The following NEDD4L variants were observed in gnomAD, a reference collection of about 807,000 sequenced individuals.
The protein encoded by NEDD4L is E3 ubiquitin-protein ligase NEDD4-like.
A neutral mutation model predicts 148.9 loss-of-function variants in NEDD4L; 54 were observed. The ratio of observed to expected loss-of-function variants is 0.36; its 90% confidence interval spans 0.29 to 0.45. The LOEUF (loss-of-function observed/expected upper bound fraction) is 0.45. Among genes scored for constraint, NEDD4L ranks in the 20% least tolerant of loss-of-function variants. The probability of loss-of-function intolerance (pLI) is 1.00; values close to 1 mark genes in which losing one functional copy is unlikely to be tolerated. For synonymous variants in NEDD4L, 433 were observed against 440.7 expected (o/e 0.98, Z 0.22); for missense variants, 856 against 1,233.8 (o/e 0.69, Z 4.59).
At chr18:58,200,204 C>A (rs1477520293) in intron 2 of NEDD4L, among the ~76,000 whole-genome samples, 1 of 152,166 alleles carries the variant, frequency 6.6e-6, no homozygotes, top group Non-Finnish European at 1.5e-5. Flanking sequence ...CCATTTCAAA[C>A]CATATTATGT....
intron 5 of NEDD4L, among the ~76,000 whole-genome samples, chr18:58,279,068 G>C (rs887919515): frequency 3.3e-5 from 5 of 151,922 alleles, no homozygotes; most frequent in African/African-American, 1.2e-4. Flanking sequence ...GTAGAGATGG[G>C]GTTTTGCTGT....
chr18:58,287,100 T>C (rs936218133), intron 5 of NEDD4L, among the ~76,000 whole-genome samples: 4 of 152,002 alleles, frequency 2.6e-5, no homozygotes, highest in Non-Finnish European at 5.9e-5. Flanking sequence ...TTTTCTTTTT[T>C]TTTTTTTTGT....
chr18:58,130,989 G>A (rs1401259998), intron 1 of NEDD4L, among the ~76,000 whole-genome samples: 1 of 128,618 alleles, frequency 7.8e-6, no homozygotes, highest in Non-Finnish European at 1.6e-5. Context: ...GCTCTGTTGG[G>A]GTTTGGTTGA....
intron 1 of NEDD4L, among the ~76,000 whole-genome samples, chr18:58,069,693 T>C (rs930817353): frequency 6.6e-6 from 1 of 152,198 alleles, no homozygotes; most frequent in African/African-American, 2.4e-5. Context: ...ATTAGGGCCT[T>C]GGAATGCTGG....
At chr18:58,307,371 C>CT (rs2057192378) in intron 5 of NEDD4L, among the ~76,000 whole-genome samples, 1 of 152,102 alleles carries the variant, frequency 6.6e-6, no homozygotes, top group African/African-American at 2.4e-5. Context: ...TCCCATTTTT[C>CT]TCACCCTTTA....
chr18:58,313,218 C>CCTTCCGTTTCCTTTAATGGCAAATTGTCT (rs2057898318), intron 5 of NEDD4L, among the ~76,000 whole-genome samples: 1 of 152,148 alleles, frequency 6.6e-6, no homozygotes, highest in Non-Finnish European at 1.5e-5. Context: ...CTAATAAGAG[C>CCTTCCGTTTCCTTTAATGGCAAATTGTCT]CTTCCGTTTC....
chr18:58,128,576 G>A (rs141117312), intron 1 of NEDD4L, among the ~76,000 whole-genome samples: 2 of 152,280 alleles, frequency 1.3e-5, no homozygotes, highest in Admixed American at 6.5e-5. Context: ...TCTTCCATTG[G>A]ATACCCTTGT....
intron 1 of NEDD4L, among the ~76,000 whole-genome samples, chr18:58,157,072 C>T (rs1347829364): frequency 2.6e-5 from 4 of 151,216 alleles, no homozygotes; most frequent in African/African-American, 9.7e-5. Context: ...CCTGTAGTCC[C>T]AGCTACTTGG....
intron 2 of NEDD4L, chr18:58,190,103 G>A (rs2039940915): frequency 6.6e-6 from 1 of 152,124 alleles, no homozygotes; most frequent in Admixed American, 6.5e-5. Context: ...AGTTATATTT[G>A]CTTTTTCTGA....
intron 1 of NEDD4L, chr18:58,045,169 A>T: frequency 2.5e-6 from 1 of 398,740 alleles, no homozygotes; most frequent in Non-Finnish European, 4.4e-6. Context: ...TTTCTCTCTC[A>T]TGATTGTGTG....
intron 1 of NEDD4L, among the ~76,000 whole-genome samples, chr18:58,079,182 T>C (rs574799800): frequency 4.6e-5 from 7 of 152,266 alleles, no homozygotes; most frequent in African/African-American, 1.2e-4. Context: ...TTAATTACGA[T>C]GTATCCTTGG....
In NEDD4L at chr18:58,351,066, A is replaced by T. The variant is rs748519421; in HGVS notation, c.1708+21A>T. 32 of 1,575,764 alleles carry T rather than the reference A, an allele frequency of 2.0e-5. No individual in the cohort carries two copies. The Admixed American group carries it at 3.5e-4, about 17-fold the overall frequency. ...TCATAGTAAGTAGGCGCTGTTATGG[A>T]CACACAGGTGTTGTGGGTTAGAGGG... is the stretch of plus-strand genomic sequence containing the variant. On this transcript the variant is annotated intron_variant, in intron 18 of 30. Coordinates refer to ENST00000400345, the MANE Select transcript of NEDD4L (RefSeq NM_001144967.3).
chr18:58,324,188 T>G (rs2059103862), intron 8 of NEDD4L, among the ~76,000 whole-genome samples: 2 of 152,172 alleles, frequency 1.3e-5, no homozygotes, highest in South Asian at 4.1e-4. Flanking sequence ...GTCAACAGAT[T>G]TTCATCTCAA....
At chr18:58,119,607 C>T (rs551868886) in intron 1 of NEDD4L, among the ~76,000 whole-genome samples, 24 of 152,332 alleles carry the variant, frequency 1.6e-4, no homozygotes, top group African/African-American at 5.1e-4. Context: ...CCAAGCTAAG[C>T]GGTGTAGCTT....
At chr18:58,376,801 C>T (rs1032861077) in intron 24 of NEDD4L, among the ~76,000 whole-genome samples, 15 of 152,242 alleles carry the variant, frequency 9.9e-5, no homozygotes, top group Admixed American at 2.6e-4. Context: ...CAAGGTCCTG[C>T]GTGGCCTGGC....
chr18:58,136,751 C>A (rs1273708341), intron 1 of NEDD4L, among the ~76,000 whole-genome samples: 2 of 152,214 alleles, frequency 1.3e-5, no homozygotes, highest in African/African-American at 4.8e-5. Flanking sequence ...TCAGACCCAG[C>A]ACTGTTCTGG....
intron 6 of NEDD4L, among the ~76,000 whole-genome samples, chr18:58,317,818 T>A (rs1284032117): frequency 6.6e-6 from 1 of 152,150 alleles, no homozygotes; most frequent in Non-Finnish European, 1.5e-5. Context: ...CGAGTGCCCC[T>A]AGTTACTCGT....
intron 1 of NEDD4L, among the ~76,000 whole-genome samples, chr18:58,053,109 T>C (rs968513561): frequency 6.6e-6 from 1 of 151,334 alleles, no homozygotes; most frequent in Non-Finnish European, 1.5e-5. Flanking sequence ...CCTGTCACTT[T>C]GTTTGTTTGG....
intron 24 of NEDD4L, among the ~76,000 whole-genome samples, chr18:58,376,965 G>A (rs1467661256): frequency 2.0e-5 from 3 of 152,200 alleles, no homozygotes; most frequent in Non-Finnish European, 2.9e-5. Flanking sequence ...CTTCATCAGG[G>A]AAGCCAGCCC....
Sources: gnomAD v4.1 joint callset for allele counts (sites outside exome capture counted in the v4.1 genomes callset) on GRCh38, gnomAD v4.1.1 for gene constraint, MANE v1.5 for transcripts, NCBI Gene and HGNC (gene_info 2026-07-23, HGNC 2026-07-21) for gene names.